The following CAMK2D variants were observed in gnomAD, a reference collection of about 807,000 sequenced individuals.
The protein encoded by CAMK2D is calcium/calmodulin dependent protein kinase II delta.
Under a neutral mutation model 84.0 loss-of-function variants are expected in CAMK2D, and 37 were observed. The observed-to-expected ratio is 0.44, with a 90% CI of 0.34 to 0.58. CAMK2D has a LOEUF of 0.58. Ranked by LOEUF, CAMK2D falls within the 20% of genes least tolerant of loss-of-function variation. The pLI, the probability that CAMK2D is intolerant of heterozygous loss-of-function variation, is 0.02. For synonymous variants in CAMK2D, 202 were observed against 212.5 expected, an observed-to-expected ratio of 0.95 and a Z score of 0.43; for missense variants, 448 against 652.5, an observed-to-expected ratio of 0.69 and a Z score of 3.41.
At chr4:113,700,022 T>C (rs1207967647) in intron 2 of CAMK2D, among the ~76,000 whole-genome samples, 1 of 152,206 alleles carries the variant, frequency 6.6e-6, no homozygotes, top group Non-Finnish European at 1.5e-5. Context: ...TGGTACTTTT[T>C]GAATATCAAA....
At chr4:113,676,477 C>T (rs140612949) in intron 2 of CAMK2D, among the ~76,000 whole-genome samples, 2,314 of 152,034 alleles carry the variant, frequency 0.015, 34 homozygotes, top group Middle Eastern at 0.044. Flanking sequence ...ATCCATAAGT[C>T]ACTTTATTTA....
At chr4:113,460,296 G>T in intron 17 of CAMK2D, 55 bp from the exon 18 acceptor site, 1 of 935,514 alleles carries the variant, frequency 1.1e-6, no homozygotes, top group Non-Finnish European at 1.7e-6. Flanking sequence ...AATGTGTTTT[G>T]TTGTTTCATG....
At chr4:113,630,523 A>G (rs1219259007) in intron 3 of CAMK2D, among the ~76,000 whole-genome samples, 1 of 152,210 alleles carries the variant, frequency 6.6e-6, no homozygotes, top group African/African-American at 2.4e-5. Flanking sequence ...GTTTCCAGAA[A>G]AAAAGTCCCA....
chr4:113,561,269 C>G (rs895448527), intron 4 of CAMK2D, among the ~76,000 whole-genome samples: 4 of 152,058 alleles, frequency 2.6e-5, no homozygotes, highest in African/African-American at 9.7e-5. Context: ...CACTTGAGCC[C>G]AGGAATTCAG....
At chr4:113,487,956 T>C (rs1001511757) in intron 16 of CAMK2D, among the ~76,000 whole-genome samples, 2 of 152,038 alleles carry the variant, frequency 1.3e-5, no homozygotes, top group Admixed American at 6.6e-5. Context: ...AATATCTACA[T>C]TCTGCTGTTA....
intron 8 of CAMK2D, among the ~76,000 whole-genome samples, chr4:113,530,841 T>G (rs112920721): frequency 0.012 from 1,791 of 152,232 alleles, 35 homozygotes; most frequent in African/African-American, 0.041. Flanking sequence ...TCCCAGCACT[T>G]TGAGAGGCTG....
chr4:113,605,502 G>A lies in CAMK2D; in HGVS notation c.275+3650C>T, dbSNP rs1355800733. Among the ~76,000 whole-genome samples the A allele has an allele frequency of 2.6e-5, 4 of 152,256 alleles. No homozygotes were observed. The East Asian group carries it at 5.8e-4, about 22-fold the overall frequency. On this transcript the variant is annotated intron_variant, in intron 4 of 20. Transcript: ENST00000511664. ...GCTGTGATCAAACTCACTTCAGAAT[G>A]TTATTACTTAAGTAATGAGAACTCA... is the stretch of plus-strand genomic sequence containing the variant.
At chr4:113,726,374 CTTTTTTTT>C (rs34696947) in intron 2 of CAMK2D, among the ~76,000 whole-genome samples, 1 of 69,544 alleles carries the variant, frequency 1.4e-5, no homozygotes, top group African/African-American at 5.6e-5. Flanking sequence ...TTTGCTTGGG[CTTTTTTTT>C]TTTTTTTTTT....
At chr4:113,729,699 A>G (rs143971721) in intron 2 of CAMK2D, among the ~76,000 whole-genome samples, 19 of 152,230 alleles carry the variant, frequency 1.2e-4, no homozygotes, top group African/African-American at 4.6e-4. Context: ...GTTAAATCCT[A>G]ATGCCCAATT....
At chr4:113,520,632 G>A (rs1054918123) in intron 8 of CAMK2D, among the ~76,000 whole-genome samples, 1 of 150,812 alleles carries the variant, frequency 6.6e-6, no homozygotes, top group Non-Finnish European at 1.5e-5. Flanking sequence ...TTTTTTTTGC[G>A]AGACCACTTG....
Position 113,754,573 on chromosome 4 carries a change from C to T in CAMK2D, c.160+4747G>A, listed in dbSNP as rs954803339. 4.1e-6 allele frequency: 4 copies of T among 981,546 alleles called. No homozygotes were observed. The African/African-American group carries it at 7.0e-5, about 17-fold the overall frequency. 60.8% of individuals were successfully genotyped at this position (981,546 alleles called of 1,614,324 possible). ...TCTCACACAATCAGGTAGAGGTTTACACTAGTTATTAATATCACAGTATGG... is the reference window on the plus strand; with the variant it reads ...TCTCACACAATCAGGTAGAGGTTTATACTAGTTATTAATATCACAGTATGG... On this transcript the variant is annotated intron_variant, in intron 2 of 20. Transcript: ENST00000511664.
intron 2 of CAMK2D, among the ~76,000 whole-genome samples, chr4:113,717,448 T>C (rs1429090552): frequency 6.6e-6 from 1 of 152,148 alleles, no homozygotes; most frequent in African/African-American, 2.4e-5. Flanking sequence ...AGAATGCTCA[T>C]GATTGAATTC....
intron 3 of CAMK2D, among the ~76,000 whole-genome samples, chr4:113,625,985 G>C (rs1235323979): frequency 6.6e-6 from 1 of 151,474 alleles, no homozygotes; most frequent in African/African-American, 2.4e-5. Context: ...CTGCACCCCA[G>C]CCTGGGTGAC....
chr4:113,662,925 A>AT (rs567357923), intron 2 of CAMK2D, among the ~76,000 whole-genome samples: 3 of 152,006 alleles, frequency 2.0e-5, no homozygotes, highest in Non-Finnish European at 4.4e-5. Context: ...TATAATGTAG[A>AT]TTTTTTTTGG....
chr4:113,547,017 A>C (rs962753004), intron 6 of CAMK2D, among the ~76,000 whole-genome samples: 3 of 152,192 alleles, frequency 2.0e-5, no homozygotes, highest in Non-Finnish European at 4.4e-5. Context: ...CATAAATATT[A>C]TTTGATGATT....
At position 113,712,439 on chromosome 4, in the gene CAMK2D, A is replaced by G. The variant is rs559859169; in HGVS notation, c.160+46881T>C. ...ATGCTAAGCTGGATATTGTACAAAT[A>G]TACTTCTATTTAAAGACTTGAACTG... On this transcript the variant is annotated intron_variant, in intron 2 of 20. Coordinates refer to ENST00000511664, the MANE Select transcript of CAMK2D (RefSeq NM_001321571.2). 1.6e-4 allele frequency among the ~76,000 whole-genome samples: 24 copies of G among 152,274 alleles called. No homozygotes were observed. In the South Asian group the frequency reaches 4.6e-3, roughly 29 times the overall value.
At chr4:113,711,763 A>G (rs2099493441) in intron 2 of CAMK2D, among the ~76,000 whole-genome samples, 1 of 152,178 alleles carries the variant, frequency 6.6e-6, no homozygotes, top group Non-Finnish European at 1.5e-5. Context: ...GTGACATCTC[A>G]GCTTAGACTT....
At chr4:113,545,098 T>C (rs1171104985) in intron 6 of CAMK2D, among the ~76,000 whole-genome samples, 1 of 152,228 alleles carries the variant, frequency 6.6e-6, no homozygotes, top group Non-Finnish European at 1.5e-5. Flanking sequence ...ATAAGCTATT[T>C]TACTGAATGC....
At chr4:113,585,029 C>T (rs2098827546) in intron 4 of CAMK2D, among the ~76,000 whole-genome samples, 1 of 152,174 alleles carries the variant, frequency 6.6e-6, no homozygotes, top group African/African-American at 2.4e-5. Context: ...CCTTTCTCAT[C>T]ATCTCACTTT....
Sources: allele counts gnomAD v4.1 joint callset (sites outside exome capture counted in the v4.1 genomes callset), GRCh38; gene constraint gnomAD v4.1.1; transcripts MANE v1.5; gene names NCBI Gene and HGNC (gene_info 2026-07-23, HGNC 2026-07-21).